The following AGAP1 variants were observed in gnomAD, a reference collection of about 807,000 sequenced individuals.
AGAP1 encodes arf-GAP with GTPase, ANK repeat and PH domain-containing protein 1.
AGAP1 carries 29 observed loss-of-function variants against 105.3 expected under a neutral mutation model. That is an observed-to-expected ratio of 0.28 (90% CI 0.21 to 0.38). The LOEUF is 0.38. AGAP1 is among the 10% of genes least tolerant of loss of function. AGAP1 has a pLI of 1.00. For missense variants in AGAP1, 998 were observed against 1,165.1 expected (o/e 0.86, Z 2.09); for synonymous variants, 509 against 485.9 (o/e 1.05, Z -0.63).
chr2:236,001,873 A>G lies in AGAP1; in HGVS notation c.1645+33250A>G, dbSNP rs894823820. The stretch of plus-strand genomic sequence containing the variant: ...TCTCGTTGGGCATTGAAATTGCCTC[A>G]GCAGTTTTTTTAACAATTACCAGTA... On this transcript the variant is annotated intron_variant, in intron 13 of 17. Transcript: ENST00000304032. This position sits in a 1 kb window ranked among gnomAD's most constrained non-coding sequence, Gnocchi z 4.7. Among the ~76,000 whole-genome samples, 5 of 152,202 alleles carry G rather than the reference A, an allele frequency of 3.3e-5. No homozygotes were observed. The highest frequency in any genetic ancestry group is 2.1e-4 in the South Asian group (1 of 4,824).
At position 235,992,349 on chromosome 2, in the gene AGAP1, C is replaced by T. The variant is rs184165081; in HGVS notation, c.1645+23726C>T. 1.3e-5 allele frequency among the ~76,000 whole-genome samples: 2 copies of T among 152,286 alleles called. No individual in the cohort carries two copies. The highest frequency in any genetic ancestry group is 1.3e-4 in the Admixed American group (2 of 15,296). ...AGTGCTCTCAGCTGTAAAATGGGAA[C>T]GATCAGGTTGTCTACCTCCAAGACT... is the stretch of plus-strand genomic sequence containing the variant. On this transcript the variant is annotated intron_variant, in intron 13 of 17. Transcript: ENST00000304032. This position sits in a 1 kb window ranked among gnomAD's most constrained non-coding sequence, Gnocchi z 4.8.
chr2:235,684,897 G>C (rs923266504), intron 1 of AGAP1, among the ~76,000 whole-genome samples: 1 of 152,020 alleles, frequency 6.6e-6, no homozygotes, highest in African/African-American at 2.4e-5. Flanking sequence ...TACTGCTTAC[G>C]GTCATGCCCT....
chr2:235,740,950 G>T lies in AGAP1; in HGVS notation c.311-13G>T, dbSNP rs1952545589. 1 of 1,613,968 alleles carries T rather than the reference G, an allele frequency of 6.2e-7. No individual in the cohort carries two copies. Among genetic ancestry groups the T allele is most frequent in the African/African-American group, 1.3e-5 (1 of 74,944 alleles). ...TTGTTCTCGTGTAACGAGATGTTTT[G>T]TGTGTGTGGCAGGTGGCAGGTTCAA... On this transcript the variant is annotated splice_polypyrimidine_tract_variant and intron_variant, in intron 3 of 17. Coordinates refer to ENST00000304032, the MANE Select transcript of AGAP1 (RefSeq NM_001037131.3). The surrounding 1 kb of genome is among the most constrained non-coding windows in gnomAD (Gnocchi z 5.7).
At position 235,728,301 on chromosome 2, in the gene AGAP1, C is replaced by CTGTGTGTGTGTGTGTGTG. The variant is rs143714801; in HGVS notation, c.310+10666_310+10683dup. Among the ~76,000 whole-genome samples, 11 of 148,618 alleles carry CTGTGTGTGTGTGTGTGTG rather than the reference C, an allele frequency of 7.4e-5. No individual in the cohort carries two copies. Among genetic ancestry groups the CTGTGTGTGTGTGTGTGTG allele is most frequent in the African/African-American group, 2.5e-4 (10 of 40,264 alleles). On this transcript the variant is annotated intron_variant, in intron 3 of 17. Coordinates refer to ENST00000304032, the MANE Select transcript of AGAP1 (RefSeq NM_001037131.3). This position sits in a 1 kb window ranked among gnomAD's most constrained non-coding sequence, Gnocchi z 4.3. Reference sequence around the variant, plus strand: ...ATCTGAAAAGGACTGGGCCCAGACTCTGTGTGTGTGTGTGTGTGTGTGTGT... The same window carrying CTGTGTGTGTGTGTGTGTG: ...ATCTGAAAAGGACTGGGCCCAGACTCTGTGTGTGTGTGTGTGTGTGTGTGTGTGTGTGTGTGTGTGTGT...
chr2:235,560,486 A>C (rs956284144), intron 1 of AGAP1, among the ~76,000 whole-genome samples: 8 of 152,086 alleles, frequency 5.3e-5, no homozygotes, highest in African/African-American at 1.7e-4. Flanking sequence ...GACTTTACGG[A>C]TGTGATTAAG....
In AGAP1 at chr2:236,130,818, G is replaced by C. The variant is rs1226160960; in HGVS notation, c.*6696G>C. 2 of 152,422 alleles carry C rather than the reference G, an allele frequency of 1.3e-5. No individual in the cohort carries two copies. The highest frequency in any genetic ancestry group is 2.4e-5 in the African/African-American group (1 of 41,440). 9.4% of individuals were successfully genotyped at this position (152,422 alleles called of 1,614,324 possible). A position where few individuals can be genotyped will look rare whatever the true frequency, so the allele number is the denominator to read the frequency against. On this transcript the variant is annotated 3_prime_UTR_variant, in exon 18 of 18. Transcript: ENST00000304032. The surrounding 1 kb of genome is among the most constrained non-coding windows in gnomAD (Gnocchi z 5.8). ...TTCTCAGGGTAGGAGAACAGAGAAG[G>C]CTCCAAGGGTGTTGGGAGTGAGCCA...
rs553422135 is a variant in AGAP1 at position 235,729,340 on chromosome 2, G to C, written c.311-11623G>C. Among the ~76,000 whole-genome samples, 6 of 152,174 alleles carry C rather than the reference G, an allele frequency of 3.9e-5. No individual in the cohort carries two copies. Among genetic ancestry groups the C allele is most frequent in the Admixed American group, 3.9e-4 (6 of 15,286 alleles). Reference sequence around the variant, plus strand: ...GCCACTTCAACTTGGGCAGCATCTCGGCTGGGAGCCCCAGGGAGCCTGGCA... The same window carrying C: ...GCCACTTCAACTTGGGCAGCATCTCCGCTGGGAGCCCCAGGGAGCCTGGCA... On this transcript the variant is annotated intron_variant, in intron 3 of 17. Transcript: ENST00000304032. The surrounding 1 kb of genome is among the most constrained non-coding windows in gnomAD (Gnocchi z 5.0).
chr2:236,103,636 C>T (rs2059414578), intron 16 of AGAP1, among the ~76,000 whole-genome samples: 1 of 151,066 alleles, frequency 6.6e-6, no homozygotes, highest in African/African-American at 2.4e-5. Flanking sequence ...ATGGCGTGGT[C>T]TCGGCTCACA....
Position 235,930,906 on chromosome 2 carries a change from A to T in AGAP1, c.1466A>T (p.Asn489Ile). The change falls in exon 12 of 18, where the codon AAC becomes ATC. Residue 489 changes from asparagine (N) to isoleucine (I), a missense_variant. This residue lies in a region of AGAP1 where 735 missense variants were observed against 833.4 expected (regional missense o/e 0.88). Coordinates refer to ENST00000304032, the MANE Select transcript of AGAP1 (RefSeq NM_001037131.3). The surrounding 1 kb of genome is among the most constrained non-coding windows in gnomAD (Gnocchi z 7.9). ...TGGAGTGAGGCTACGGTCATTGCAA[A>T]CTCGGCCATCAGCAGTGGTAAGAGG... ...DQWSEATVIANSAISSDTGLG... is the reference protein window; with the variant it reads ...DQWSEATVIAISAISSDTGLG... 1 of 1,612,032 alleles carries T rather than the reference A, an allele frequency of 6.2e-7. No individual in the cohort carries two copies. Among genetic ancestry groups the T allele is most frequent in the Non-Finnish European group, 8.5e-7 (1 of 1,179,164 alleles).
rs181846879 is a variant in AGAP1 at position 235,538,201 on chromosome 2, A to G, written c.163+43352A>G. On this transcript the variant is annotated intron_variant, in intron 1 of 17. Coordinates refer to ENST00000304032, the MANE Select transcript of AGAP1 (RefSeq NM_001037131.3). ...GCCTTTCACTGTTTATGGTTGTACA[A>G]GTTGGGTGTTACTGACTTATAATGT... Among the ~76,000 whole-genome samples, 9 of 152,304 alleles carry G rather than the reference A, an allele frequency of 5.9e-5. No individual in the cohort carries two copies. In the South Asian group the frequency reaches 1.9e-3, roughly 32 times the overall value.
intron 9 of AGAP1, among the ~76,000 whole-genome samples, chr2:235,811,789 G>A (rs1319616026): frequency 6.6e-6 from 1 of 152,226 alleles, no homozygotes; most frequent in African/African-American, 2.4e-5. Context: ...TGTGTTTAAG[G>A]ATTTAAGTGC....
chr2:235,590,342 T>G (rs1328031425), intron 1 of AGAP1, among the ~76,000 whole-genome samples: 1 of 152,220 alleles, frequency 6.6e-6, no homozygotes, highest in Non-Finnish European at 1.5e-5. Context: ...TTTAGGTGCC[T>G]ATCCTTTTAT....
Position 235,578,930 on chromosome 2 carries a change from G to T in AGAP1, c.163+84081G>T, listed in dbSNP as rs1944831111. ...CCTCTAGCTGTCAGTCACACAGACG[G>T]ATATAGATATGTAATTTGAATTACT... On this transcript the variant is annotated intron_variant, in intron 1 of 17. Transcript: ENST00000304032. This position sits in a 1 kb window ranked among gnomAD's most constrained non-coding sequence, Gnocchi z 4.9. Among the ~76,000 whole-genome samples the T allele has an allele frequency of 1.3e-5, 2 of 152,220 alleles. No homozygotes were observed.
At position 235,958,319 on chromosome 2, in the gene AGAP1, G is replaced by A. The variant is rs370848261; in HGVS notation, c.1484-10143G>A. Among the ~76,000 whole-genome samples the A allele has an allele frequency of 3.3e-5, 5 of 152,150 alleles. No individual in the cohort carries two copies. Among genetic ancestry groups the A allele is most frequent in the East Asian group, 3.9e-4 (2 of 5,132 alleles). On this transcript the variant is annotated intron_variant, in intron 12 of 17. Transcript: ENST00000304032. This position sits in a 1 kb window ranked among gnomAD's most constrained non-coding sequence, Gnocchi z 4.1. ...TCCAGGGTCAGGGAAGATCTGACCC[G>A]GGAGAGGATTAGGGCCCTGCTAACG...
In AGAP1 at chr2:235,557,694, G is replaced by A. The variant is rs1387706072; in HGVS notation, c.163+62845G>A. On this transcript the variant is annotated intron_variant, in intron 1 of 17. Transcript: ENST00000304032. The surrounding 1 kb of genome is among the most constrained non-coding windows in gnomAD (Gnocchi z 4.7). The stretch of plus-strand genomic sequence containing the variant: ...GGCACAGAGGGTCGAGGAACTTGCT[G>A]TGGTACACCCAGACAGCCTGACCCC... Among the ~76,000 whole-genome samples the A allele has an allele frequency of 3.9e-5, 6 of 152,152 alleles. No individual in the cohort carries two copies. Among genetic ancestry groups the A allele is most frequent in the African/African-American group, 1.2e-4 (5 of 41,442 alleles).
At position 235,753,532 on chromosome 2, in the gene AGAP1, C is replaced by A. The variant is rs1248309748; in HGVS notation, c.673+3044C>A. ...CCAGCCTGGCCACCATGGCGAAATC[C>A]CATCTCTACTAAAATTGCAAAAAAT... On this transcript the variant is annotated intron_variant, in intron 6 of 17. Coordinates refer to ENST00000304032, the MANE Select transcript of AGAP1 (RefSeq NM_001037131.3). The surrounding 1 kb of genome is among the most constrained non-coding windows in gnomAD (Gnocchi z 4.5). Among the ~76,000 whole-genome samples the A allele has an allele frequency of 6.6e-6, 1 of 152,048 alleles. No homozygotes were observed. The highest frequency in any genetic ancestry group is 2.4e-5 in the African/African-American group (1 of 41,404).
At chr2:236,015,607 G>A (rs918528086) in intron 13 of AGAP1, among the ~76,000 whole-genome samples, 20 of 152,000 alleles carry the variant, frequency 1.3e-4, no homozygotes, top group Admixed American at 9.8e-4. Context: ...TTTGATGCCA[G>A]GCAAGGGAAA....
Position 235,701,583 on chromosome 2 carries a change from G to C in AGAP1, c.164-7596G>C, listed in dbSNP as rs1307037163. Among the ~76,000 whole-genome samples the C allele has an allele frequency of 6.6e-6, 1 of 152,142 alleles. No individual in the cohort carries two copies. The highest frequency in any genetic ancestry group is 6.6e-5 in the Admixed American group (1 of 15,266). ...TCCAGGGAAGCCTGAAACCAATCTG[G>C]TATCCCCAGGGTTTATGTTTTATTT... On this transcript the variant is annotated intron_variant, in intron 1 of 17. Coordinates refer to ENST00000304032, the MANE Select transcript of AGAP1 (RefSeq NM_001037131.3). The surrounding 1 kb of genome is among the most constrained non-coding windows in gnomAD (Gnocchi z 4.1).
Position 235,882,378 on chromosome 2 carries a change from C to A in AGAP1, c.1051-967C>A. 6 of 1,507,394 alleles carry A rather than the reference C, an allele frequency of 4.0e-6. No homozygotes were observed. The highest frequency in any genetic ancestry group is 1.8e-5 in the Admixed American group (1 of 56,298). 93.4% of individuals were successfully genotyped at this position (1,507,394 alleles called of 1,614,324 possible). ...TCCGGGCTCTTAGGAAATTTCACTC[C>A]GCTTCTGCCCAGTGGTCTCTTTGGT... On this transcript the variant is annotated intron_variant, in intron 9 of 17. Coordinates refer to ENST00000304032, the MANE Select transcript of AGAP1 (RefSeq NM_001037131.3). The surrounding 1 kb of genome is among the most constrained non-coding windows in gnomAD (Gnocchi z 4.6).
Sources: allele counts gnomAD v4.1 joint callset (sites outside exome capture counted in the v4.1 genomes callset), GRCh38; gene constraint gnomAD v4.1.1; regional missense constraint gnomAD v4.1.1; non-coding constraint Gnocchi (gnomAD v3.1); transcripts MANE v1.5; gene names NCBI Gene and HGNC (gene_info 2026-07-23, HGNC 2026-07-21).